ARHGAP42: variants seen among roughly 807,000 people sequenced by gnomAD.
ARHGAP42 encodes Rho GTPase activating protein 42.
Under a neutral mutation model 125.0 loss-of-function variants are expected in ARHGAP42, and 63 were observed. The ratio of observed to expected loss-of-function variants is 0.50; its 90% CI spans 0.41 to 0.62. ARHGAP42 has a LOEUF of 0.62. Ranked by LOEUF, ARHGAP42 falls within the 20% of genes least tolerant of loss-of-function variation. The pLI is 0.00. For synonymous variants in ARHGAP42, 339 were observed against 351.0 expected (o/e 0.97, Z 0.38); for missense variants, 766 against 1,024.2 (o/e 0.75, Z 3.44).
chr11:100,710,899 C>T (rs185576580), intron 1 of ARHGAP42, among the ~76,000 whole-genome samples: 48 of 152,256 alleles, frequency 3.2e-4, no homozygotes, highest in Non-Finnish European at 6.0e-4. Context: ...CTCTTTATGG[C>T]CACTTGTTCT....
chr11:100,865,962 G>C lies in ARHGAP42; in HGVS notation c.384+6337G>C, dbSNP rs1865559610. Among the ~76,000 whole-genome samples, 3 of 152,162 alleles carry C rather than the reference G, an allele frequency of 2.0e-5. No homozygotes were observed. The South Asian group carries it at 6.2e-4, about 31-fold the overall frequency. On this transcript the variant is annotated intron_variant, in intron 4 of 23. Transcript: ENST00000298815. ...TAGGTTGACTCTTTCTTTCATGAAA[G>C]TATTTTCTGGAGTGTGCGATATTGC...
intron 4 of ARHGAP42, among the ~76,000 whole-genome samples, chr11:100,893,223 C>T (rs1334278319): frequency 1.3e-5 from 2 of 149,546 alleles, no homozygotes; most frequent in South Asian, 2.1e-4. Context: ...TTTTTTGAGT[C>T]TCAGTGTTTT....
intron 12 of ARHGAP42, among the ~76,000 whole-genome samples, chr11:100,956,743 C>A (rs1412027473): frequency 1.3e-5 from 2 of 152,058 alleles, no homozygotes; most frequent in African/African-American, 2.4e-5. Context: ...TTCTTAATAT[C>A]CAACTTACTA....
At chr11:100,714,447 G>T (rs1050977126) in intron 1 of ARHGAP42, among the ~76,000 whole-genome samples, 2 of 151,726 alleles carry the variant, frequency 1.3e-5, no homozygotes, top group Non-Finnish European at 2.9e-5. Flanking sequence ...AGTGCTGTTG[G>T]AAGCAGCCAT....
At chr11:100,814,575 C>T (rs1205870557) in intron 3 of ARHGAP42, among the ~76,000 whole-genome samples, 1 of 152,076 alleles carries the variant, frequency 6.6e-6, no homozygotes, top group African/African-American at 2.4e-5. Flanking sequence ...GTACAGGAAG[C>T]ATAGCAACTT....
chr11:100,814,189 T>C (rs1309738985), intron 3 of ARHGAP42, among the ~76,000 whole-genome samples: 1 of 150,768 alleles, frequency 6.6e-6, no homozygotes, highest in African/African-American at 2.4e-5. Flanking sequence ...CGAGACTCCG[T>C]CTCTTAAAAA....
chr11:100,705,032 A>AAAAAAG (rs1861461780), intron 1 of ARHGAP42, among the ~76,000 whole-genome samples: 1 of 141,088 alleles, frequency 7.1e-6, no homozygotes, highest in Non-Finnish European at 1.5e-5. Flanking sequence ...AAAAAAAAAA[A>AAAAAAG]AGAGAGAAGA....
At chr11:100,895,182 G>A (rs1444171435) in intron 4 of ARHGAP42, among the ~76,000 whole-genome samples, 1 of 152,224 alleles carries the variant, frequency 6.6e-6, no homozygotes, top group East Asian at 1.9e-4. Flanking sequence ...GGAGAGGACA[G>A]TTAGGACTGT....
At chr11:100,939,340 C>T (rs145314555) in intron 8 of ARHGAP42, among the ~76,000 whole-genome samples, 43 of 151,964 alleles carry the variant, frequency 2.8e-4, no homozygotes, top group African/African-American at 9.6e-4. Flanking sequence ...TCTCTATTCT[C>T]GGTAGTGTCA....
rs528576687 is a variant in ARHGAP42 at position 100,905,059 on chromosome 11, TCTTCTCTCCATTC to T, written c.385-8392_385-8380del. Among the ~76,000 whole-genome samples the T allele has an allele frequency of 6.6e-5, 10 of 152,372 alleles. No individual in the cohort carries two copies. The South Asian group carries it at 1.9e-3, about 28-fold the overall frequency. Reference sequence around the variant, plus strand: ...GTCAGCATACCCTTAGGAAACTTTCTCTTCTCTCCATTCTAATTTTTGTTCATTCTTACCAATT... The same window carrying T: ...GTCAGCATACCCTTAGGAAACTTTCTTAATTTTTGTTCATTCTTACCAATT... On this transcript the variant is annotated intron_variant, in intron 4 of 23. Transcript: ENST00000298815.
At chr11:100,931,025 T>C (rs1173434180) in intron 6 of ARHGAP42, among the ~76,000 whole-genome samples, 1 of 152,192 alleles carries the variant, frequency 6.6e-6, no homozygotes, top group Non-Finnish European at 1.5e-5. Context: ...TGGATCCAAG[T>C]CTAAACATGA....
intron 22 of ARHGAP42, among the ~76,000 whole-genome samples, chr11:100,986,848 GA>G (rs556346930): frequency 8.5e-4 from 122 of 143,244 alleles, no homozygotes; most frequent in East Asian, 1.4e-3. Context: ...GACTTCACTT[GA>G]AAAAAAAAAA....
chr11:100,826,824 C>T (rs952260660), intron 3 of ARHGAP42, among the ~76,000 whole-genome samples: 8 of 151,890 alleles, frequency 5.3e-5, no homozygotes, highest in Non-Finnish European at 1.0e-4. Flanking sequence ...AATATTTTGC[C>T]GTTGGTTTTC....
chr11:100,832,339 CA>C (rs758585140), intron 3 of ARHGAP42, among the ~76,000 whole-genome samples: 1 of 152,210 alleles, frequency 6.6e-6, no homozygotes, highest in Non-Finnish European at 1.5e-5. Flanking sequence ...CAGAGACATG[CA>C]AAGAATCTGG....
chr11:100,870,773 A>T (rs1016295737), intron 4 of ARHGAP42, among the ~76,000 whole-genome samples: 1 of 152,200 alleles, frequency 6.6e-6, no homozygotes, highest in African/African-American at 2.4e-5. Context: ...AGCATTTGGA[A>T]TCGGTAGATT....
chr11:100,964,606 A>G (rs1858042274), intron 16 of ARHGAP42, among the ~76,000 whole-genome samples: 1 of 152,204 alleles, frequency 6.6e-6, no homozygotes, highest in Non-Finnish European at 1.5e-5. Flanking sequence ...CAATCATCCC[A>G]GAATTTATTT....
chr11:100,752,235 C>T (rs1327748136), intron 1 of ARHGAP42, among the ~76,000 whole-genome samples: 1 of 152,138 alleles, frequency 6.6e-6, no homozygotes, highest in African/African-American at 2.4e-5. Flanking sequence ...TATAGGTGCA[C>T]CCACACCAAG....
At position 100,989,753 on chromosome 11, in the gene ARHGAP42, G is replaced by A. The variant is rs559709287; in HGVS notation, c.*952G>A. ...AATTCCACTTGGAAGATTGTAAAGT[G>A]TCAAAGTATTTTAATGATAATTTAA... is the stretch of plus-strand genomic sequence containing the variant. On this transcript the variant is annotated 3_prime_UTR_variant, in exon 24 of 24. Transcript: ENST00000298815. 5.3e-5 allele frequency: 8 copies of A among 152,160 alleles called. No individual in the cohort carries two copies. Among genetic ancestry groups the A allele is most frequent in the Non-Finnish European group, 8.8e-5 (6 of 68,016 alleles). 9.4% of individuals were successfully genotyped at this position (152,160 alleles called of 1,614,324 possible). A position where few individuals can be genotyped will look rare whatever the true frequency, so the allele number is the denominator to read the frequency against.
At chr11:100,897,141 G>A (rs1315074760) in intron 4 of ARHGAP42, among the ~76,000 whole-genome samples, 1 of 152,178 alleles carries the variant, frequency 6.6e-6, no homozygotes, top group Admixed American at 6.5e-5. Flanking sequence ...TCAAAGATCA[G>A]ATGGTTGTAG....
Sources: gnomAD v4.1 joint callset for allele counts (sites outside exome capture counted in the v4.1 genomes callset) on GRCh38, gnomAD v4.1.1 for gene constraint, MANE v1.5 for transcripts, NCBI Gene and HGNC (gene_info 2026-07-23, HGNC 2026-07-21) for gene names.